Variants in CADPS2 observed in about 807,000 individuals in gnomAD.
CADPS2 encodes calcium dependent secretion activator 2.
CADPS2 carries 93 observed loss-of-function variants against 172.5 expected under a neutral mutation model. The observed-to-expected ratio is 0.54, with a 90% CI of 0.46 to 0.64. The LOEUF is 0.64. Ranked by LOEUF, CADPS2 falls within the 30% of genes least tolerant of loss-of-function variation. The pLI, the probability that CADPS2 is intolerant of heterozygous loss-of-function variation, is 0.00. For missense variants in CADPS2, 1,420 were observed against 1,565.9 expected (o/e 0.91, Z 1.57); for synonymous variants, 546 against 555.2 (o/e 0.98, Z 0.23).
At chr7:122,862,193 T>C (rs1817115754) in intron 1 of CADPS2, among the ~76,000 whole-genome samples, 1 of 152,242 alleles carries the variant, frequency 6.6e-6, no homozygotes, top group South Asian at 2.1e-4. Context: ...GAGAGATTAC[T>C]GCTGTACTTT....
chr7:122,390,200 C>T (rs1305925329), intron 22 of CADPS2, among the ~76,000 whole-genome samples: 3 of 151,956 alleles, frequency 2.0e-5, no homozygotes, highest in Admixed American at 6.6e-5. Flanking sequence ...ATCTCTTCAC[C>T]GTAATATTCA....
chr7:122,668,373 A>G lies in CADPS2; in HGVS notation c.454-4804T>C, dbSNP rs2081400934. 2.0e-5 allele frequency among the ~76,000 whole-genome samples: 3 copies of G among 149,806 alleles called. No individual in the cohort carries two copies. In the South Asian group the frequency reaches 6.4e-4, roughly 32 times the overall value. ...CATGGAAAATCCATTTAGTTTCGGTACAGGTCAGGTTTGGAGACAAAGTAT... is the reference window on the plus strand; with the variant it reads ...CATGGAAAATCCATTTAGTTTCGGTGCAGGTCAGGTTTGGAGACAAAGTAT... On this transcript the variant is annotated intron_variant, in intron 2 of 29. Transcript: ENST00000449022.
intron 1 of CADPS2, among the ~76,000 whole-genome samples, chr7:122,822,285 TC>T (rs1317100409): frequency 1.3e-5 from 2 of 152,100 alleles, no homozygotes; most frequent in Admixed American, 1.3e-4. Context: ...TCTCAATTCA[TC>T]CAAAACCGTA....
At chr7:122,775,974 A>AT (rs11451763) in intron 1 of CADPS2, among the ~76,000 whole-genome samples, 66,934 of 151,878 alleles carry the variant, frequency 0.44, 17,231 homozygotes, top group African/African-American at 0.72. Flanking sequence ...AAGTTCAAAA[A>AT]TTTTTTTCTA....
chr7:122,544,876 A>G (rs1490128941), intron 8 of CADPS2, among the ~76,000 whole-genome samples: 1 of 152,148 alleles, frequency 6.6e-6, no homozygotes, highest in Non-Finnish European at 1.5e-5. Context: ...ACGTACAAAT[A>G]ACTTTGTAAT....
intron 1 of CADPS2, among the ~76,000 whole-genome samples, chr7:122,871,222 T>C (rs1819661033): frequency 1.3e-5 from 2 of 152,024 alleles, no homozygotes; most frequent in African/African-American, 2.4e-5. Flanking sequence ...CATCCCACTT[T>C]TTGACTTATG....
At chr7:122,817,462 G>T (rs1478514487) in intron 1 of CADPS2, among the ~76,000 whole-genome samples, 2 of 152,064 alleles carry the variant, frequency 1.3e-5, no homozygotes, top group East Asian at 3.9e-4. Flanking sequence ...AAGGCGACAC[G>T]TTTTATCCGT....
chr7:122,670,079 C>T (rs566163755), intron 2 of CADPS2, among the ~76,000 whole-genome samples: 40 of 152,112 alleles, frequency 2.6e-4, no homozygotes, highest in African/African-American at 9.4e-4. Flanking sequence ...CCCTGGGGCT[C>T]AAGGGATGAC....
intron 2 of CADPS2, among the ~76,000 whole-genome samples, chr7:122,722,343 C>A (rs547214380): frequency 9.2e-5 from 14 of 151,684 alleles, no homozygotes; most frequent in Non-Finnish European, 1.9e-4. Flanking sequence ...CTTCAGCAAA[C>A]TCTCAGGATA....
intron 9 of CADPS2, among the ~76,000 whole-genome samples, chr7:122,500,994 C>A (rs921377123): frequency 6.6e-6 from 1 of 152,064 alleles, no homozygotes; most frequent in Non-Finnish European, 1.5e-5. Context: ...GTGGCTTGTA[C>A]CTGGAATCCC....
chr7:122,448,526 G>T (rs1218067601), intron 15 of CADPS2, among the ~76,000 whole-genome samples: 2 of 152,158 alleles, frequency 1.3e-5, no homozygotes, highest in Non-Finnish European at 2.9e-5. Context: ...TTTAAGAGAG[G>T]ACAGGAAACT....
chr7:122,447,029 CTCTT>C (rs1271151191), intron 15 of CADPS2, among the ~76,000 whole-genome samples: 1 of 124,554 alleles, frequency 8.0e-6, no homozygotes, highest in Non-Finnish European at 1.6e-5. Flanking sequence ...AAGTAGCTCC[CTCTT>C]TTTTTTTTTT....
chr7:122,638,454 C>T (rs1446626595), intron 3 of CADPS2, among the ~76,000 whole-genome samples: 1 of 152,154 alleles, frequency 6.6e-6, no homozygotes, highest in African/African-American at 2.4e-5. Flanking sequence ...CAAAGCTCTC[C>T]TAAACCACAG....
chr7:122,324,879 T>G (rs1355145002), intron 29 of CADPS2, among the ~76,000 whole-genome samples: 1 of 152,128 alleles, frequency 6.6e-6, no homozygotes, highest in African/African-American at 2.4e-5. Context: ...AAATATGACA[T>G]GTAATTTATT....
At chr7:122,852,560 A>G (rs1813968884) in intron 1 of CADPS2, among the ~76,000 whole-genome samples, 1 of 152,166 alleles carries the variant, frequency 6.6e-6, no homozygotes, top group Admixed American at 6.6e-5. Context: ...TTAATGGTTG[A>G]GCAAAGGCAA....
At chr7:122,373,378 A>G (rs1338920678) in intron 25 of CADPS2, among the ~76,000 whole-genome samples, 1 of 152,142 alleles carries the variant, frequency 6.6e-6, no homozygotes, top group African/African-American at 2.4e-5. Flanking sequence ...GGAAATCTGC[A>G]TTTTAACAGT....
chr7:122,325,011 C>T (rs1388637105), intron 29 of CADPS2, among the ~76,000 whole-genome samples: 2 of 152,048 alleles, frequency 1.3e-5, no homozygotes, highest in Non-Finnish European at 2.9e-5. Flanking sequence ...AAGAGGCATG[C>T]TTCCAAAAGG....
rs557530703 is a variant in CADPS2, at chr7:122,320,165, T to G, written c.3891A>C (p.Ter1297CysextTer12). The part of the protein sequence containing the change: ...MKDSDEEEEG[*>C] ...CTTCCTTCTGCAAAGCTGTGTGATA[T>G]CAGCCTTCTTCTTCTTCGTCACTGT... Residue 1297 changes from the stop codon to cysteine (C), a stop_lost, in exon 30 of 30, where the codon TGA (stop) becomes TGC (cysteine). Coordinates refer to ENST00000449022, the MANE Select transcript of CADPS2 (RefSeq NM_017954.11). The G allele has an allele frequency of 6.3e-7, 1 of 1,597,258 alleles. No homozygotes were observed. Among genetic ancestry groups the G allele is most frequent in the South Asian group, 1.1e-5 (1 of 87,984 alleles).
chr7:122,320,424 A>G, intron 29 of CADPS2, 86 bp from the exon 30 acceptor site: 1 of 1,025,758 alleles, frequency 9.7e-7, no homozygotes, highest in Non-Finnish European at 1.3e-6. Flanking sequence ...TTCAAAAATG[A>G]TCTTGGGGAA....
Sources: allele counts gnomAD v4.1 joint callset (sites outside exome capture counted in the v4.1 genomes callset), GRCh38; gene constraint gnomAD v4.1.1; transcripts MANE v1.5; gene names NCBI Gene and HGNC (gene_info 2026-07-23, HGNC 2026-07-21).